Variants in SORCS1 observed in about 807,000 individuals in gnomAD.
The protein encoded by SORCS1 is sortilin related VPS10 domain containing receptor 1, also known as VPS10 domain-containing receptor SorCS1.
A neutral mutation model predicts 146.1 loss-of-function variants in SORCS1; 60 were observed. That is an observed-to-expected ratio of 0.41 (90% CI 0.33 to 0.51). The LOEUF is 0.51. Among genes scored for constraint, SORCS1 ranks in the 20% least tolerant of loss-of-function variants. The pLI is 0.21. For missense variants in SORCS1, 1,352 were observed against 1,487.6 expected, an observed-to-expected ratio of 0.91 and a Z score of 1.50; for synonymous variants, 637 against 584.0, an observed-to-expected ratio of 1.09 and a Z score of -1.31.
intron 1 of SORCS1, among the ~76,000 whole-genome samples, chr10:107,005,441 G>A (rs1480405941): frequency 6.6e-6 from 1 of 152,128 alleles, no homozygotes; most frequent in Non-Finnish European, 1.5e-5. Context: ...ATATAGATAT[G>A]AGAAATTATG....
intron 2 of SORCS1, among the ~76,000 whole-genome samples, chr10:106,900,332 G>C (rs1951653540): frequency 2.0e-5 from 3 of 151,962 alleles, no homozygotes; most frequent in Non-Finnish European, 4.4e-5. Context: ...GAAATCAAAA[G>C]CTATATTGCT....
chr10:106,911,511 G>A (rs1200808839), intron 2 of SORCS1, among the ~76,000 whole-genome samples: 1 of 151,926 alleles, frequency 6.6e-6, no homozygotes, highest in Non-Finnish European at 1.5e-5. Flanking sequence ...TTAGCTGCAT[G>A]CATCAGTACC....
intron 2 of SORCS1, among the ~76,000 whole-genome samples, chr10:106,844,132 T>C (rs185153444): frequency 1.3e-5 from 2 of 152,362 alleles, no homozygotes; most frequent in Admixed American, 1.3e-4. Flanking sequence ...ATTTCCCTGA[T>C]ATTAGTGATG....
intron 5 of SORCS1, among the ~76,000 whole-genome samples, chr10:106,749,411 T>C (rs1039018168): frequency 1.3e-5 from 2 of 152,180 alleles, no homozygotes; most frequent in African/African-American, 2.4e-5. Flanking sequence ...AGGGAAAATA[T>C]CCTTCCATAT....
At chr10:106,623,302 G>A (rs1189109931) in intron 19 of SORCS1, among the ~76,000 whole-genome samples, 2 of 150,808 alleles carry the variant, frequency 1.3e-5, no homozygotes. Context: ...GAGTGCAGCG[G>A]CACGATCTCG....
intron 7 of SORCS1, among the ~76,000 whole-genome samples, chr10:106,706,921 C>A (rs1209450623): frequency 6.6e-6 from 1 of 152,186 alleles, no homozygotes; most frequent in Admixed American, 6.5e-5. Context: ...AAATGGGGTA[C>A]ATTGGCTGAT....
chr10:106,656,661 T>C (rs988016099), intron 17 of SORCS1, among the ~76,000 whole-genome samples: 6 of 152,288 alleles, frequency 3.9e-5, no homozygotes, highest in South Asian at 4.1e-4. Flanking sequence ...AGTAGGTTTT[T>C]TTTTTTTGAC....
chr10:106,642,537 T>C (rs1849142006), intron 18 of SORCS1, among the ~76,000 whole-genome samples: 1 of 152,308 alleles, frequency 6.6e-6, no homozygotes, highest in Middle Eastern at 3.4e-3. Context: ...TGCACTCATA[T>C]GGATTTTGAG....
At chr10:106,900,616 G>A (rs372837943) in intron 2 of SORCS1, among the ~76,000 whole-genome samples, 13 of 152,176 alleles carry the variant, frequency 8.5e-5, no homozygotes, top group African/African-American at 3.1e-4. Context: ...ATCCCCACTG[G>A]TGAATGGCTC....
intron 5 of SORCS1, 124 bp downstream of exon 5, chr10:106,761,464 C>T (rs974566207): frequency 1.1e-5 from 8 of 758,484 alleles, no homozygotes; most frequent in African/African-American, 8.7e-5. Flanking sequence ...GGGATGTGGG[C>T]ATGTCCCAAT....
chr10:106,638,941 A>G (rs191669421), intron 18 of SORCS1, among the ~76,000 whole-genome samples: 42 of 152,312 alleles, frequency 2.8e-4, no homozygotes, highest in Non-Finnish European at 1.5e-5. Context: ...TGTGATTTTT[A>G]CAATTCTATT....
intron 1 of SORCS1, among the ~76,000 whole-genome samples, chr10:107,004,680 C>T (rs1003041743): frequency 1.3e-5 from 2 of 152,062 alleles, no homozygotes; most frequent in African/African-American, 2.4e-5. Flanking sequence ...GATTAAACCT[C>T]GTGATTTACC....
chr10:106,833,693 TCGA>T (rs1948663964), intron 2 of SORCS1, among the ~76,000 whole-genome samples: 1 of 152,202 alleles, frequency 6.6e-6, no homozygotes, highest in African/African-American at 2.4e-5. Context: ...TGCTGATCTG[TCGA>T]TGCCTTTGCC....
intron 2 of SORCS1, among the ~76,000 whole-genome samples, chr10:106,919,341 G>T (rs1238938397): frequency 2.0e-5 from 3 of 152,108 alleles, no homozygotes; most frequent in Non-Finnish European, 4.4e-5. Context: ...AGATCCCAGT[G>T]ACTCTTAAAT....
In SORCS1 at chr10:106,654,863, T is replaced by G. The variant is rs114669254; in HGVS notation, c.2304-2310A>C. ...AACATCATTCCATCTGATTTTTTTT[T>G]TTTGTTTGAGACAGTCTCGCTCTGT... On this transcript the variant is annotated intron_variant, in intron 17 of 25. Coordinates refer to ENST00000263054, the MANE Select transcript of SORCS1 (RefSeq NM_052918.5). Among the ~76,000 whole-genome samples the G allele has an allele frequency of 3.0e-3, 456 of 152,284 alleles. 3 individuals carry two copies. Among genetic ancestry groups the G allele is most frequent in the African/African-American group, 9.9e-3 (412 of 41,536 alleles).
intron 2 of SORCS1, 34 bp from the exon 3 acceptor site, chr10:106,829,707 A>G (rs1948457087): frequency 6.5e-7 from 1 of 1,527,082 alleles, no homozygotes; most frequent in South Asian, 1.1e-5. Flanking sequence ...TGAGGACAGA[A>G]GTATATGTCA....
chr10:106,719,229 A>G (rs542398246), intron 6 of SORCS1, among the ~76,000 whole-genome samples: 1 of 152,322 alleles, frequency 6.6e-6, no homozygotes, highest in African/African-American at 2.4e-5. Flanking sequence ...CATTTAGCTC[A>G]TGAAGGAGAA....
At chr10:107,092,027 G>A (rs191165431) in intron 1 of SORCS1, among the ~76,000 whole-genome samples, 54 of 152,262 alleles carry the variant, frequency 3.5e-4, no homozygotes, top group Admixed American at 9.8e-4. Context: ...AGAGATTTCC[G>A]AGAAGAGCTG....
intron 2 of SORCS1, among the ~76,000 whole-genome samples, chr10:106,955,217 C>T (rs950293963): frequency 2.0e-5 from 3 of 152,218 alleles, no homozygotes; most frequent in East Asian, 3.9e-4. Context: ...GCTGTAACAC[C>T]CCCTTTGCAG....
Sources: gnomAD v4.1 joint callset for allele counts (sites outside exome capture counted in the v4.1 genomes callset) on GRCh38, gnomAD v4.1.1 for gene constraint, MANE v1.5 for transcripts, NCBI Gene and HGNC (gene_info 2026-07-23, HGNC 2026-07-21) for gene names.